Variants in TMTC3 observed in about 807,000 individuals in gnomAD.
The protein encoded by TMTC3 is transmembrane O-mannosyltransferase targeting cadherins 3.
In TMTC3, 52 loss-of-function variants were observed where a neutral mutation model predicts 92.2. The observed-to-expected ratio is 0.56, with a 90% CI of 0.45 to 0.71. The LOEUF is 0.71. TMTC3 is among the 30% of genes least tolerant of loss of function. TMTC3 has a pLI of 0.00. For missense variants in TMTC3, 896 were observed against 1,057.1 expected (o/e 0.85, Z 2.11); for synonymous variants, 339 against 363.3 (o/e 0.93, Z 0.76).
chr12:88,192,664 A>C lies in TMTC3; in HGVS notation c.1767A>C (p.Ala589=). Residue 589 remains alanine (A), a synonymous_variant, in exon 13 of 14, where the codon GCA becomes GCC. Coordinates refer to ENST00000266712, the MANE Select transcript of TMTC3 (RefSeq NM_181783.4). The stretch of plus-strand genomic sequence containing the variant: ...AAGCAAAGGAAGCATATCTTAAAGC[A>C]CTAGAGCTGGACAGAAATAATGCAG... ...PLKAKEAYLK[A]LELDRNNADL... The C allele has an allele frequency of 6.2e-7, 1 of 1,613,410 alleles. No homozygotes were observed. The highest frequency in any genetic ancestry group is 8.5e-7 in the Non-Finnish European group (1 of 1,179,566).
At position 88,177,790 on chromosome 12, in the gene TMTC3, T is replaced by C. The variant is rs550843872; in HGVS notation, c.1432+1471T>C. Among the ~76,000 whole-genome samples, 12 of 152,310 alleles carry C rather than the reference T, an allele frequency of 7.9e-5. No homozygotes were observed. The South Asian group carries it at 2.5e-3, about 32-fold the overall frequency. On this transcript the variant is annotated intron_variant, in intron 10 of 13. Coordinates refer to ENST00000266712, the MANE Select transcript of TMTC3 (RefSeq NM_181783.4). Reference sequence around the variant, plus strand: ...AGAGTGTCAGACACTGTTGTTTTTTTCTAGTAAGTACAACTATGACCACTG... The same window carrying C: ...AGAGTGTCAGACACTGTTGTTTTTTCCTAGTAAGTACAACTATGACCACTG...
chr12:88,192,873 TATA>T, intron 13 of TMTC3, 43 bp downstream of exon 13: 1 of 1,490,162 alleles, frequency 6.7e-7, no homozygotes, highest in Non-Finnish European at 9.0e-7. Flanking sequence ...AATTGTAGTT[TATA>T]ATATAATAAG....
Position 88,195,917 on chromosome 12 carries a change from G to A in TMTC3, c.*268G>A. The A allele has an allele frequency of 3.9e-6, 1 of 254,086 alleles. No individual in the cohort carries two copies. Among genetic ancestry groups the A allele is most frequent in the Non-Finnish European group, 7.5e-6 (1 of 134,218 alleles). The allele number at this position is 254,086 out of a possible 1,614,324, so 15.7% of individuals were successfully genotyped here. A position where few individuals can be genotyped will look rare whatever the true frequency, so the allele number is the denominator to read the frequency against. On this transcript the variant is annotated 3_prime_UTR_variant, in exon 14 of 14. Coordinates refer to ENST00000266712, the MANE Select transcript of TMTC3 (RefSeq NM_181783.4). The stretch of plus-strand genomic sequence containing the variant: ...ACAACTTTTATTATAGAAAGAAGGT[G>A]TTTCTGGCAATGTAATCTTTACTGC...
rs1380394114 is a variant in TMTC3, at chr12:88,196,561, T to C, written c.*912T>C. The C allele has an allele frequency of 6.6e-6, 1 of 151,934 alleles. No individual in the cohort carries two copies. The highest frequency in any genetic ancestry group is 1.5e-5 in the Non-Finnish European group (1 of 67,838). The allele number at this position is 151,934 out of a possible 1,614,324, so 9.4% of individuals were successfully genotyped here. ...TTAACCTGGATTTTAATTTTTTTGTTTCCAAAGTCACAATTGAATTATTCT... is the reference window on the plus strand; with the variant it reads ...TTAACCTGGATTTTAATTTTTTTGTCTCCAAAGTCACAATTGAATTATTCT... On this transcript the variant is annotated 3_prime_UTR_variant, in exon 14 of 14. Coordinates refer to ENST00000266712, the MANE Select transcript of TMTC3 (RefSeq NM_181783.4).
In TMTC3 at chr12:88,196,845, TATAAA is replaced by T. The variant is rs2138453615; in HGVS notation, c.*1198_*1202del. On this transcript the variant is annotated 3_prime_UTR_variant, in exon 14 of 14. Transcript: ENST00000266712. ...TATCATTTTTGGCCTAATGTCTGGA[TATAAA>T]AGATAATTAGCCTACTATAGTATTA... The T allele has an allele frequency of 6.6e-6, 1 of 151,972 alleles. No homozygotes were observed. Among genetic ancestry groups the T allele is most frequent in the South Asian group, 2.1e-4 (1 of 4,824 alleles). The allele number at this position is 151,972 out of a possible 1,614,324, so 9.4% of individuals were successfully genotyped here.
chr12:88,161,794 A>AAT (rs1348795814), intron 6 of TMTC3, among the ~76,000 whole-genome samples: 2 of 151,104 alleles, frequency 1.3e-5, no homozygotes, highest in African/African-American at 2.4e-5. Flanking sequence ...TCTAATTTCG[A>AAT]ATATATATAT....
At chr12:88,168,732 T>C (rs1179082169) in intron 7 of TMTC3, among the ~76,000 whole-genome samples, 1 of 152,206 alleles carries the variant, frequency 6.6e-6, no homozygotes, top group Non-Finnish European at 1.5e-5. Flanking sequence ...CCTAAGATCA[T>C]GAGAACTTGT....
At chr12:88,180,049 T>G (rs1413051358) in intron 10 of TMTC3, among the ~76,000 whole-genome samples, 1 of 152,174 alleles carries the variant, frequency 6.6e-6, no homozygotes, top group Non-Finnish European at 1.5e-5. Context: ...TCTTACAACT[T>G]TTCCCACTAC....
intron 3 of TMTC3, 62 bp downstream of exon 3, chr12:88,153,571 T>A (rs775723607): frequency 2.6e-4 from 238 of 915,778 alleles, no homozygotes; most frequent in Non-Finnish European, 3.7e-4. Context: ...TGCACAGTGA[T>A]TATAATGGTA....
chr12:88,182,825 C>T (rs1488911561), intron 10 of TMTC3, among the ~76,000 whole-genome samples: 4 of 152,154 alleles, frequency 2.6e-5, no homozygotes, highest in Admixed American at 2.6e-4. Flanking sequence ...AATCAGTGAG[C>T]TGGCCTTTCA....
At chr12:88,190,700 T>C in intron 12 of TMTC3, 78 bp downstream of exon 12, 1 of 1,456,660 alleles carries the variant, frequency 6.9e-7, no homozygotes, top group African/African-American at 1.4e-5. Context: ...TGAATTGGTT[T>C]TTTTTGAAAA....
intron 1 of TMTC3, among the ~76,000 whole-genome samples, chr12:88,144,301 GA>G (rs1168255129): frequency 1.3e-5 from 2 of 152,134 alleles, no homozygotes; most frequent in Admixed American, 1.3e-4. Context: ...ACAATGGTAG[GA>G]ATGAAATTTA....
At chr12:88,165,347 C>T (rs2041131944) in intron 6 of TMTC3, among the ~76,000 whole-genome samples, 1 of 151,874 alleles carries the variant, frequency 6.6e-6, no homozygotes, top group African/African-American at 2.4e-5. Flanking sequence ...AAAAAGATAA[C>T]TTTTTATTCA....
chr12:88,189,261 T>C (rs913567499), intron 11 of TMTC3, among the ~76,000 whole-genome samples: 6 of 151,920 alleles, frequency 3.9e-5, no homozygotes, highest in Non-Finnish European at 8.8e-5. Flanking sequence ...ACCCGGCTAA[T>C]TTTTGTATTT....
intron 1 of TMTC3, 124 bp downstream of exon 1, chr12:88,142,611 C>T (rs1434980799): frequency 2.0e-5 from 3 of 152,380 alleles, no homozygotes; most frequent in Non-Finnish European, 4.4e-5. Flanking sequence ...AACACCCTGC[C>T]TTCTCTTCAG....
chr12:88,163,573 G>A lies in TMTC3; in HGVS notation c.797+2722G>A, dbSNP rs73194822. On this transcript the variant is annotated intron_variant, in intron 6 of 13. Transcript: ENST00000266712. ...GGTTCCTTCTGGAGGCTCTAAGGAA[G>A]AATTTGTTCCATAACTGTCTGCTGG... is the stretch of plus-strand genomic sequence containing the variant. Among the ~76,000 whole-genome samples the A allele has an allele frequency of 3.2e-3, 485 of 152,258 alleles. 2 individuals carry two copies. The highest frequency in any genetic ancestry group is 5.4e-3 in the Non-Finnish European group (370 of 68,012).
chr12:88,186,079 A>G (rs2041374843), intron 10 of TMTC3, among the ~76,000 whole-genome samples: 1 of 152,168 alleles, frequency 6.6e-6, no homozygotes, highest in South Asian at 2.1e-4. Context: ...TGCCTAAGCC[A>G]TCAATGTGAG....
Position 88,195,811 on chromosome 12 carries a change from T to G in TMTC3, c.*162T>G, listed in dbSNP as rs1453861898. The G allele has an allele frequency of 2.7e-5, 15 of 554,064 alleles. No homozygotes were observed. Among genetic ancestry groups the G allele is most frequent in the Non-Finnish European group, 9.3e-6 (3 of 321,810 alleles). The allele number at this position is 554,064 out of a possible 1,614,324, so 34.3% of individuals were successfully genotyped here. On this transcript the variant is annotated 3_prime_UTR_variant, in exon 14 of 14. Transcript: ENST00000266712. Reference sequence around the variant, plus strand: ...AGATTTTCATTAAAGACCTGTATTATCCCAGGATGTATATTATGTATCGCT... The same window carrying G: ...AGATTTTCATTAAAGACCTGTATTAGCCCAGGATGTATATTATGTATCGCT...
Position 88,194,758 on chromosome 12 carries a change from T to G in TMTC3, c.1934-80T>G, listed in dbSNP as rs189632775. On this transcript the variant is annotated intron_variant, in intron 13 of 13. Transcript: ENST00000266712. ...GTTTTGAAGCTGTCTTTTTGTAATC[T>G]AAGTATTTGAAAATGGCTTTGTTCC... The G allele has an allele frequency of 5.8e-4, 540 of 936,126 alleles. 1 individual carries two copies. The African/African-American group carries it at 8.8e-3, about 15-fold the overall frequency. 58.0% of individuals were successfully genotyped at this position (936,126 alleles called of 1,614,324 possible).
Sources: allele counts gnomAD v4.1 joint callset (sites outside exome capture counted in the v4.1 genomes callset), GRCh38; gene constraint gnomAD v4.1.1; transcripts MANE v1.5; gene names NCBI Gene and HGNC (gene_info 2026-07-23, HGNC 2026-07-21).